Variants in COL14A1 observed in about 807,000 individuals in gnomAD.
COL14A1 encodes the protein collagen type XIV alpha 1 chain, also known as collagen alpha-1(XIV) chain.
A neutral mutation model predicts 230.3 loss-of-function variants in COL14A1; 136 were observed. The observed-to-expected ratio is 0.59, with a 90% CI of 0.51 to 0.68. The LOEUF (loss-of-function observed/expected upper bound fraction) is 0.68. COL14A1 is among the 30% of genes least tolerant of loss of function. The pLI, the probability that COL14A1 is intolerant of heterozygous loss-of-function variation, is 0.00. For missense variants in COL14A1, 1,976 were observed against 2,215.8 expected, an observed-to-expected ratio of 0.89 and a Z score of 2.17; for synonymous variants, 792 against 784.1, an observed-to-expected ratio of 1.01 and a Z score of -0.17.
chr8:120,242,069 C>A (rs1337337068), intron 19 of COL14A1, among the ~76,000 whole-genome samples: 1 of 152,150 alleles, frequency 6.6e-6, no homozygotes, highest in African/African-American at 2.4e-5. Context: ...AAATTACCTT[C>A]AGATTATGTA....
intron 8 of COL14A1, among the ~76,000 whole-genome samples, chr8:120,202,989 A>AAT (rs201356550): frequency 0.029 from 3,125 of 106,418 alleles, 78 homozygotes; most frequent in African/African-American, 0.048. Context: ...AATAATTTCA[A>AAT]ATATATATAT....
intron 5 of COL14A1, among the ~76,000 whole-genome samples, chr8:120,172,402 C>G (rs1816123305): frequency 6.6e-6 from 1 of 152,176 alleles, no homozygotes; most frequent in East Asian, 1.9e-4. Context: ...CTACCTGCCT[C>G]TGTCTCCCAA....
At chr8:120,316,414 C>A (rs1041981742) in intron 40 of COL14A1, among the ~76,000 whole-genome samples, 3 of 152,112 alleles carry the variant, frequency 2.0e-5, no homozygotes, top group Admixed American at 2.0e-4. Context: ...TATTTAATAT[C>A]ATTCAATTAT....
At chr8:120,224,657 C>T (rs1044322338) in intron 14 of COL14A1, among the ~76,000 whole-genome samples, 1 of 152,104 alleles carries the variant, frequency 6.6e-6, no homozygotes, top group Non-Finnish European at 1.5e-5. Flanking sequence ...TTACTATTTT[C>T]TTTAGTATTA....
rs1287478482 is a variant in COL14A1, at chr8:120,278,493, G to A, written c.3396G>A (p.Arg1132=). The A allele has an allele frequency of 1.2e-6, 2 of 1,613,140 alleles. No homozygotes were observed. Among genetic ancestry groups the A allele is most frequent in the Admixed American group, 3.3e-5 (2 of 59,874 alleles). ...TLFTAESGTR[R]GIPKVIVVIT... ...TCACTGCAGAGTCAGGTACAAGAAG[G>A]GGCATCCCAAAGGTTATCGTGGTTA... Residue 1132 remains arginine (R), a synonymous_variant, in exon 28 of 48, where the codon AGG becomes AGA. Transcript: ENST00000297848.
intron 2 of COL14A1, among the ~76,000 whole-genome samples, chr8:120,153,684 T>A (rs1815367073): frequency 6.6e-6 from 1 of 152,236 alleles, no homozygotes; most frequent in Non-Finnish European, 1.5e-5. Context: ...TTTTTGGTTG[T>A]GAATAAAATA....
Position 120,283,665 on chromosome 8 carries a change from A to T in COL14A1, c.3854A>T (p.Asp1285Val). 1 of 1,613,360 alleles carries T rather than the reference A, an allele frequency of 6.2e-7. No homozygotes were observed. Among genetic ancestry groups the T allele is most frequent in the Non-Finnish European group, 8.5e-7 (1 of 1,179,764 alleles). Residue 1285 changes from aspartate to valine, a missense_variant, in exon 32 of 48, where the codon GAC becomes GTC. Coordinates refer to ENST00000297848, the MANE Select transcript of COL14A1 (RefSeq NM_021110.4). The stretch of plus-strand genomic sequence containing the variant: ...TTGCACCCAGAAGGATTGCCCTCCG[A>T]CTACACAATCAGTTTTCTATTCCGG... ...RYLHPEGLPSDYTISFLFRIL... is the reference protein window; with the variant it reads ...RYLHPEGLPSVYTISFLFRIL...
chr8:120,175,362 A>G, intron 5 of COL14A1, among the ~76,000 whole-genome samples: 1 of 152,200 alleles, frequency 6.6e-6, no homozygotes, highest in East Asian at 1.9e-4. Flanking sequence ...TAAGAGACTG[A>G]TAGGAAAAAC....
In COL14A1 at chr8:120,166,578, T is replaced by C. The variant is rs549934365; in HGVS notation, c.350-1583T>C. On this transcript the variant is annotated intron_variant, in intron 4 of 47. Coordinates refer to ENST00000297848, the MANE Select transcript of COL14A1 (RefSeq NM_021110.4). ...GCATCACTCAGCACAATCTTTCTCA[T>C]ATTAAAGTGGCAGACATATTTTGTT... Among the ~76,000 whole-genome samples, 3 of 152,288 alleles carry C rather than the reference T, an allele frequency of 2.0e-5. No homozygotes were observed. In the South Asian group the frequency reaches 6.2e-4, roughly 32 times the overall value.
chr8:120,234,444 T>C (rs1054013384), intron 19 of COL14A1, among the ~76,000 whole-genome samples: 2 of 152,172 alleles, frequency 1.3e-5, no homozygotes, highest in Admixed American at 1.3e-4. Context: ...ATATTGACTG[T>C]GGGTTTGTCA....
intron 12 of COL14A1, among the ~76,000 whole-genome samples, chr8:120,211,601 G>A (rs940289437): frequency 6.6e-6 from 1 of 152,080 alleles, no homozygotes; most frequent in East Asian, 1.9e-4. Context: ...AAAATCTGAA[G>A]TTGATATGAC....
chr8:120,227,294 A>C lies in COL14A1; in HGVS notation c.2079A>C (p.Leu693=). The change falls in exon 17 of 48, where the codon CTA becomes CTC. Residue 693 remains leucine, a synonymous_variant. Coordinates refer to ENST00000297848, the MANE Select transcript of COL14A1 (RefSeq NM_021110.4). ...LEPGTEYEVS[L]LAVLDDGSES... ...CCGGTACGGAGTATGAAGTTTCACTATTGGCCGTACTTGATGATGGAAGCG... is the reference window on the plus strand; with the variant it reads ...CCGGTACGGAGTATGAAGTTTCACTCTTGGCCGTACTTGATGATGGAAGCG... The C allele has an allele frequency of 1.9e-6, 3 of 1,614,028 alleles. No individual in the cohort carries two copies. The highest frequency in any genetic ancestry group is 2.5e-6 in the Non-Finnish European group (3 of 1,179,992).
chr8:120,348,897 A>G (rs1822639466), intron 45 of COL14A1, among the ~76,000 whole-genome samples: 2 of 152,220 alleles, frequency 1.3e-5, no homozygotes, highest in South Asian at 4.1e-4. Context: ...CCTTCCTGTT[A>G]TTCCCTGTTT....
At chr8:120,154,330 A>T (rs1224469296) in intron 2 of COL14A1, among the ~76,000 whole-genome samples, 1 of 152,208 alleles carries the variant, frequency 6.6e-6, no homozygotes, top group Non-Finnish European at 1.5e-5. Flanking sequence ...CAATGACATG[A>T]CATAAACATT....
chr8:120,332,284 G>A, intron 41 of COL14A1, 90 bp downstream of exon 41: 1 of 1,251,448 alleles, frequency 8.0e-7, no homozygotes, highest in Non-Finnish European at 1.2e-6. Context: ...TCTTTTACCA[G>A]CAGCCGTCTT....
chr8:120,276,779 A>G (rs986911780), intron 26 of COL14A1, among the ~76,000 whole-genome samples: 1 of 151,958 alleles, frequency 6.6e-6, no homozygotes, highest in South Asian at 2.1e-4. Flanking sequence ...GCACATGTAT[A>G]CATATGTAAC....
intron 4 of COL14A1, among the ~76,000 whole-genome samples, chr8:120,166,923 G>GTGTGT (rs1563646891): frequency 1.4e-5 from 1 of 71,462 alleles, no homozygotes; most frequent in African/African-American, 5.0e-5. Context: ...TGTGTGTGTG[G>GTGTGT]TGGTGATGAT....
At chr8:120,210,193 G>T (rs539625310) in intron 12 of COL14A1, among the ~76,000 whole-genome samples, 7 of 152,242 alleles carry the variant, frequency 4.6e-5, no homozygotes, top group African/African-American at 1.4e-4. Flanking sequence ...CAAAGTCATT[G>T]TATACACCCA....
chr8:120,371,043 T>G, intron 47 of COL14A1, 109 bp from the exon 48 acceptor site: 1 of 1,095,770 alleles, frequency 9.1e-7, no homozygotes, highest in African/African-American at 1.6e-5. Context: ...CATCCACTGC[T>G]TTTTACCCAG....
Sources: allele counts gnomAD v4.1 joint callset (sites outside exome capture counted in the v4.1 genomes callset), GRCh38; gene constraint gnomAD v4.1.1; transcripts MANE v1.5; gene names NCBI Gene and HGNC (gene_info 2026-07-23, HGNC 2026-07-21).